Variants in SERPINB9 observed in about 807,000 individuals in gnomAD.
The protein encoded by SERPINB9 is serpin family B member 9.
In SERPINB9, 20 loss-of-function variants were observed where a neutral mutation model predicts 27.2. The ratio of observed to expected loss-of-function variants is 0.74; its 90% CI spans 0.52 to 1.07. The LOEUF (loss-of-function observed/expected upper bound fraction) is 1.07. Among genes scored for constraint, SERPINB9 ranks in the 50% least tolerant of loss-of-function variants. The pLI is 0.00. For missense variants in SERPINB9, 476 were observed against 460.1 expected (o/e 1.03, Z -0.32); for synonymous variants, 189 against 180.0 (o/e 1.05, Z -0.40).
At chr6:2,901,588 G>A (rs189209652) in intron 1 of SERPINB9, among the ~76,000 whole-genome samples, 15 of 152,238 alleles carry the variant, frequency 9.9e-5, no homozygotes, top group South Asian at 6.2e-4. Context: ...GTGAGGGGGT[G>A]GGTCTCTTGG....
rs1018989824 is a variant in SERPINB9 at position 2,890,705 on chromosome 6, C to T, written c.724-135G>A. 3 of 819,702 alleles carry T rather than the reference C, an allele frequency of 3.7e-6. No individual in the cohort carries two copies. Among genetic ancestry groups the T allele is most frequent in the Admixed American group, 5.2e-5 (2 of 38,482 alleles). 50.8% of individuals were successfully genotyped at this position (819,702 alleles called of 1,614,324 possible). A position where few individuals can be genotyped will look rare whatever the true frequency, so the allele number is the denominator to read the frequency against. On this transcript the variant is annotated intron_variant, in intron 6 of 6. Transcript: ENST00000380698. This position sits in a 1 kb window ranked among gnomAD's most constrained non-coding sequence, Gnocchi z 6.2. Reference sequence around the variant, plus strand: ...ATAGGATCAGTGGCCCCTTCATCTGCCAGAAGCTTGTGAGCACTCTTACTT... The same window carrying T: ...ATAGGATCAGTGGCCCCTTCATCTGTCAGAAGCTTGTGAGCACTCTTACTT...
rs1300887621 is a variant in SERPINB9, at chr6:2,888,426, AAAC to A, written c.*1734_*1736del. ...ACTATTCCCAATAGCCAAAAGTCAG[AAAC>A]AACCCAAAGTCCATCAATGAATGAG... is the stretch of plus-strand genomic sequence containing the variant. On this transcript the variant is annotated 3_prime_UTR_variant, in exon 7 of 7. Transcript: ENST00000380698. 1 of 152,264 alleles carries A rather than the reference AAAC, an allele frequency of 6.6e-6. No homozygotes were observed. Among genetic ancestry groups the A allele is most frequent in the East Asian group, 1.9e-4 (1 of 5,206 alleles). The allele number at this position is 152,264 out of a possible 1,614,324, so 9.4% of individuals were successfully genotyped here. A position where few individuals can be genotyped will look rare whatever the true frequency, so the allele number is the denominator to read the frequency against.
At chr6:2,900,314 A>T in intron 2 of SERPINB9, 130 bp downstream of exon 2, 2 of 1,115,136 alleles carry the variant, frequency 1.8e-6, no homozygotes, top group Non-Finnish European at 2.6e-6. Context: ...CGCCTCCCTG[A>T]AACGGCCAGT....
chr6:2,892,400 G>A (rs926564846), intron 5 of SERPINB9, among the ~76,000 whole-genome samples: 36 of 152,042 alleles, frequency 2.4e-4, no homozygotes, highest in Non-Finnish European at 5.0e-4. Flanking sequence ...AAATCATAAA[G>A]TGGGATGAAA....
At chr6:2,902,202 G>A (rs1403515881) in intron 1 of SERPINB9, among the ~76,000 whole-genome samples, 1 of 152,140 alleles carries the variant, frequency 6.6e-6, no homozygotes, top group African/African-American at 2.4e-5. Context: ...TGTCCATCAC[G>A]GCATTAATTC....
chr6:2,895,914 C>T (rs905889334), intron 3 of SERPINB9, 139 bp downstream of exon 3: 2 of 858,174 alleles, frequency 2.3e-6, no homozygotes, highest in Non-Finnish European at 3.4e-6. Flanking sequence ...TAGTGAGACC[C>T]CATCTTAGAA....
At position 2,896,058 on chromosome 6, in the gene SERPINB9, G is replaced by A. The variant is rs1303947553; in HGVS notation, c.301C>T (p.Leu101Phe). The A allele has an allele frequency of 6.2e-7, 1 of 1,612,700 alleles. No homozygotes were observed. Among genetic ancestry groups the A allele is most frequent in the Non-Finnish European group, 8.5e-7 (1 of 1,179,622 alleles). ...GTTCTATTGATTCAACTTACTGAGA[G>A]GAACTGACAAGTTTTCTCTCCAAAG... ...RLFGEKTCQF[L>F]STFKESCLQF... The change falls in exon 3 of 7, where the codon CTC becomes TTC. Residue 101 changes from leucine to phenylalanine, a missense_variant. Physicochemically the swap from Leu to Phe is conservative, Grantham distance 22. Transcript: ENST00000380698.
chr6:2,901,317 CAG>C (rs140664481), intron 1 of SERPINB9, among the ~76,000 whole-genome samples: 1,891 of 152,320 alleles, frequency 0.012, 36 homozygotes, highest in African/African-American at 0.042. Flanking sequence ...CCCTTGAACA[CAG>C]AGTGGGACTT....
At position 2,890,632 on chromosome 6, in the gene SERPINB9, C is replaced by T; in HGVS notation, c.724-62G>A. On this transcript the variant is annotated intron_variant, in intron 6 of 6. Transcript: ENST00000380698. This position sits in a 1 kb window ranked among gnomAD's most constrained non-coding sequence, Gnocchi z 6.2. ...CAGTGCACATGTACAAGCGCACAGGCACTCACAGTTCCCTTCCTCCCCTTG... is the reference window on the plus strand; with the variant it reads ...CAGTGCACATGTACAAGCGCACAGGTACTCACAGTTCCCTTCCTCCCCTTG... 1 of 1,474,864 alleles carries T rather than the reference C, an allele frequency of 6.8e-7. No individual in the cohort carries two copies. Among genetic ancestry groups the T allele is most frequent in the Non-Finnish European group, 9.3e-7 (1 of 1,079,170 alleles). 91.4% of individuals were successfully genotyped at this position (1,474,864 alleles called of 1,614,324 possible). A position where few individuals can be genotyped will look rare whatever the true frequency, so the allele number is the denominator to read the frequency against.
In SERPINB9 at chr6:2,890,609, G is replaced by A. The variant is rs1259000332; in HGVS notation, c.724-39C>T. 1 of 1,573,196 alleles carries A rather than the reference G, an allele frequency of 6.4e-7. No homozygotes were observed. Among genetic ancestry groups the A allele is most frequent in the Admixed American group, 1.8e-5 (1 of 56,886 alleles). ...ATTAGACTTTAAGATTCCGACTTCA[G>A]TGCACATGTACAAGCGCACAGGCAC... On this transcript the variant is annotated intron_variant, in intron 6 of 6. Transcript: ENST00000380698. This position sits in a 1 kb window ranked among gnomAD's most constrained non-coding sequence, Gnocchi z 6.2.
Position 2,890,554 on chromosome 6 carries a change from G to C in SERPINB9, c.740C>G (p.Thr247Ser), listed in dbSNP as rs764541813. 26 of 1,606,400 alleles carry C rather than the reference G, an allele frequency of 1.6e-5. No homozygotes were observed. The highest frequency in any genetic ancestry group is 2.0e-5 in the Non-Finnish European group (23 of 1,174,060). Residue 247 changes from threonine (T) to serine (S), a missense_variant, in exon 7 of 7, where the codon ACT becomes AGT. Thr to Ser is a moderately conservative substitution (Grantham distance 58). Coordinates refer to ENST00000380698, the MANE Select transcript of SERPINB9 (RefSeq NM_004155.6). The surrounding 1 kb of genome is among the most constrained non-coding windows in gnomAD (Gnocchi z 6.2). Reference sequence around the variant, plus strand: ...GGTCCAGGCTGTGAGTTTCTCAAAAGTGAGACTTTTTTCCACCTGAAAGAC... The same window carrying C: ...GGTCCAGGCTGTGAGTTTCTCAAAACTGAGACTTTTTTCCACCTGAAAGAC... ...VELSTVEKSL[T>S]FEKLTAWTKP...
chr6:2,893,602 G>C (rs763674064), intron 4 of SERPINB9, 49 bp from the exon 5 acceptor site: 1 of 1,491,894 alleles, frequency 6.7e-7, no homozygotes. Flanking sequence ...ATAAGAACCT[G>C]ATGCATTGGA....
In SERPINB9 at chr6:2,889,560, TG is replaced by T. The variant is rs1242155357; in HGVS notation, c.*602del. On this transcript the variant is annotated 3_prime_UTR_variant, in exon 7 of 7. Transcript: ENST00000380698. Reference sequence around the variant, plus strand: ...AATACAAAAAATTAGCCGGGCGTGGTGGCGGGCGCCTGTAGTCCCAGCTACT... The same window carrying T: ...AATACAAAAAATTAGCCGGGCGTGGTGCGGGCGCCTGTAGTCCCAGCTACT... 6.6e-6 allele frequency: 1 copy of T among 151,632 alleles called. No homozygotes were observed. Among genetic ancestry groups the T allele is most frequent in the African/African-American group, 2.4e-5 (1 of 41,190 alleles). 9.4% of individuals were successfully genotyped at this position (151,632 alleles called of 1,614,324 possible).
chr6:2,890,646 T>C lies in SERPINB9; in HGVS notation c.724-76A>G, dbSNP rs28468384. On this transcript the variant is annotated intron_variant, in intron 6 of 6. Coordinates refer to ENST00000380698, the MANE Select transcript of SERPINB9 (RefSeq NM_004155.6). The surrounding 1 kb of genome is among the most constrained non-coding windows in gnomAD (Gnocchi z 6.2). ...AAGCGCACAGGCACTCACAGTTCCCTTCCTCCCCTTGCACGTAGGTGTTGT... is the reference window on the plus strand; with the variant it reads ...AAGCGCACAGGCACTCACAGTTCCCCTCCTCCCCTTGCACGTAGGTGTTGT... 1 of 1,381,240 alleles carries C rather than the reference T, an allele frequency of 7.2e-7. No homozygotes were observed. The highest frequency in any genetic ancestry group is 1.0e-6 in the Non-Finnish European group (1 of 1,003,036). 85.6% of individuals were successfully genotyped at this position (1,381,240 alleles called of 1,614,324 possible). A position where few individuals can be genotyped will look rare whatever the true frequency, so the allele number is the denominator to read the frequency against.
rs1175535935 is a variant in SERPINB9 at position 2,890,551 on chromosome 6, A to G, written c.743T>C (p.Phe248Ser). 6.8e-6 allele frequency: 11 copies of G among 1,607,022 alleles called. No individual in the cohort carries two copies. Among genetic ancestry groups the G allele is most frequent in the Non-Finnish European group, 9.4e-6 (11 of 1,174,388 alleles). Residue 248 changes from phenylalanine (F) to serine (S), a missense_variant, in exon 7 of 7, where the codon TTT becomes TCT. Transcript: ENST00000380698. This position sits in a 1 kb window ranked among gnomAD's most constrained non-coding sequence, Gnocchi z 6.2. ...ELSTVEKSLT[F>S]EKLTAWTKPD... ...CTTGGTCCAGGCTGTGAGTTTCTCA[A>G]AAGTGAGACTTTTTTCCACCTGAAA...
chr6:2,890,358 G>C lies in SERPINB9; in HGVS notation c.936C>G (p.Ser312=). The part of the protein sequence containing the change: ...AMSAERDLCL[S]KFVHKSFVEV... ...CCACAAAACTCTTGTGCACGAACTT[G>C]GACAGACACAGGTCTCTCTCCGCTG... Residue 312 remains serine, a synonymous_variant, in exon 7 of 7, where the codon TCC becomes TCG. Transcript: ENST00000380698. This position sits in a 1 kb window ranked among gnomAD's most constrained non-coding sequence, Gnocchi z 6.2. 1 of 1,614,204 alleles carries C rather than the reference G, an allele frequency of 6.2e-7. No individual in the cohort carries two copies. The highest frequency in any genetic ancestry group is 2.2e-5 in the East Asian group (1 of 44,882).
chr6:2,896,030 A>G (rs1767985266), intron 3 of SERPINB9, 23 bp downstream of exon 3: 2 of 1,601,152 alleles, frequency 1.2e-6, no homozygotes, highest in Admixed American at 1.8e-5. Flanking sequence ...TGCAACTTTT[A>G]TTGTTCTATT....
intron 5 of SERPINB9, 110 bp downstream of exon 5, chr6:2,893,301 G>T: frequency 9.4e-7 from 1 of 1,058,378 alleles, no homozygotes; most frequent in South Asian, 2.2e-5. Flanking sequence ...AATACTTTAA[G>T]TTTCAAATTC....
Position 2,890,264 on chromosome 6 carries a change from C to G in SERPINB9, c.1030G>C (p.Glu344Gln). 1 of 1,614,224 alleles carries G rather than the reference C, an allele frequency of 6.2e-7. No homozygotes were observed. ...TCAGCACAGAACCTGGGGCCAGATT[C>G]CATGCAGCACTCTGCAACTACAAAG... ...SCFVVAECCM[E>Q]SGPRFCADHP... Residue 344 changes from glutamate (E) to glutamine (Q), a missense_variant, in exon 7 of 7, where the codon GAA (glutamate) becomes CAA (glutamine). Glu to Gln is a conservative substitution (Grantham distance 29). Transcript: ENST00000380698. This position sits in a 1 kb window ranked among gnomAD's most constrained non-coding sequence, Gnocchi z 6.2.
Sources: gnomAD v4.1 joint callset for allele counts (sites outside exome capture counted in the v4.1 genomes callset) on GRCh38, gnomAD v4.1.1 for gene constraint, Gnocchi (gnomAD v3.1) non-coding constraint, MANE v1.5 for transcripts, NCBI Gene and HGNC (gene_info 2026-07-23, HGNC 2026-07-21) for gene names.